MMP2: variants seen among roughly 807,000 people sequenced by gnomAD.
The protein encoded by MMP2 is matrix metallopeptidase 2.
In MMP2, 39 loss-of-function variants were observed where a neutral mutation model predicts 74.8. The ratio of observed to expected loss-of-function variants is 0.52; its 90% confidence interval spans 0.40 to 0.68. The LOEUF (loss-of-function observed/expected upper bound fraction) is 0.68, where lower values mean the gene tolerates loss of function less well. MMP2 is among the 30% of genes least tolerant of loss of function. The pLI, the probability that MMP2 is intolerant of heterozygous loss-of-function variation, is 0.00. For missense variants in MMP2, 803 were observed against 878.3 expected, an observed-to-expected ratio of 0.91 and a Z score of 1.08; for synonymous variants, 367 against 339.8, an observed-to-expected ratio of 1.08 and a Z score of -0.88.
In MMP2 at chr16:55,505,611, C is replaced by T. The variant is rs1045236326; in HGVS notation, c.*169C>T. The T allele has an allele frequency of 1.5e-5, 10 of 666,722 alleles. No individual in the cohort carries two copies. The highest frequency in any genetic ancestry group is 4.5e-5 in the Admixed American group (2 of 44,064). 41.3% of individuals were successfully genotyped at this position (666,722 alleles called of 1,614,324 possible). Reference sequence around the variant, plus strand: ...TAAGATTCCAGAGAGTGGCTCCTCCCGGTGCCCAAGAATAGATGCTGACTG... The same window carrying T: ...TAAGATTCCAGAGAGTGGCTCCTCCTGGTGCCCAAGAATAGATGCTGACTG... On this transcript the variant is annotated 3_prime_UTR_variant, in exon 13 of 13. Coordinates refer to ENST00000219070, the MANE Select transcript of MMP2 (RefSeq NM_004530.6).
At chr16:55,494,088 T>C (rs1279484733) in intron 9 of MMP2, among the ~76,000 whole-genome samples, 1 of 152,132 alleles carries the variant, frequency 6.6e-6, no homozygotes, top group African/African-American at 2.4e-5. Context: ...CCATCATCCA[T>C]CCAGCCAGCC....
intron 1 of MMP2, among the ~76,000 whole-genome samples, chr16:55,481,103 A>G (rs1328647640): frequency 1.3e-5 from 2 of 152,168 alleles, no homozygotes; most frequent in African/African-American, 4.8e-5. Flanking sequence ...AAACAAATTT[A>G]TTAAGAAGGT....
At chr16:55,494,457 A>C (rs1962486679) in intron 9 of MMP2, among the ~76,000 whole-genome samples, 1 of 152,206 alleles carries the variant, frequency 6.6e-6, no homozygotes, top group South Asian at 2.1e-4. Context: ...ACTGTGCCAA[A>C]TACTTTGCTA....
At chr16:55,503,921 G>C (rs1363115335) in intron 12 of MMP2, among the ~76,000 whole-genome samples, 1 of 152,236 alleles carries the variant, frequency 6.6e-6, no homozygotes, top group Non-Finnish European at 1.5e-5. Context: ...GGGAGGCCAA[G>C]GCAGGAGAAC....
chr16:55,493,330 C>T, intron 9 of MMP2, 37 bp downstream of exon 9: 1 of 1,613,586 alleles, frequency 6.2e-7, no homozygotes, highest in African/African-American at 1.3e-5. Context: ...CTCCTTGTCT[C>T]CTGTCCTCTG....
intron 11 of MMP2, among the ~76,000 whole-genome samples, chr16:55,499,257 A>G (rs1962607145): frequency 6.6e-6 from 1 of 152,104 alleles, no homozygotes; most frequent in East Asian, 1.9e-4. Context: ...GAACCCTGGC[A>G]TTCTGTCTCC....
In MMP2 at chr16:55,498,584, CT is replaced by C. The variant is rs1432058669; in HGVS notation, c.1769+139del. The C allele has an allele frequency of 7.5e-5, 84 of 1,116,402 alleles. No homozygotes were observed. In the East Asian group the frequency reaches 2.0e-3, roughly 26 times the overall value. The allele number at this position is 1,116,402 out of a possible 1,614,324, so 69.2% of individuals were successfully genotyped here. A position where few individuals can be genotyped will look rare whatever the true frequency, so the allele number is the denominator to read the frequency against. ...ATGCCCTCTCTCTGGTATCTAACCT[CT>C]TTGGTCTCTGGCACCTCTGAGATGT... On this transcript the variant is annotated intron_variant, in intron 11 of 12. Transcript: ENST00000219070.
upstream of MMP2, chr16:55,479,167 C>G (rs897550290): frequency 1.9e-5 from 4 of 206,282 alleles, no homozygotes; most frequent in African/African-American, 9.3e-5. Flanking sequence ...GCCCAGCCGG[C>G]TACATCTGGC....
At chr16:55,491,652 AG>A in intron 7 of MMP2, 148 bp from the exon 8 acceptor site, 1 of 928,986 alleles carries the variant, frequency 1.1e-6, no homozygotes. Context: ...TCTCAGGAAA[AG>A]AAAAAAAAAA....
Position 55,502,867 on chromosome 16 carries a change from G to A in MMP2, c.1858G>A (p.Val620Ile), listed in dbSNP as rs41459945. 730 of 1,613,828 alleles carry A rather than the reference G, an allele frequency of 4.5e-4. 1 individual carries two copies. Among genetic ancestry groups the A allele is most frequent in the African/African-American group, 3.5e-3 (264 of 75,058 alleles). The change falls in exon 12 of 13, where the codon GTC becomes ATC. Residue 620 changes from valine (V) to isoleucine (I), a missense_variant. Val to Ile is a conservative substitution (Grantham distance 29). Coordinates refer to ENST00000219070, the MANE Select transcript of MMP2 (RefSeq NM_004530.6). ...TGCCATCCCCGATAACCTGGATGCC[G>A]TCGTGGACCTGCAGGGCGGCGGTGA... ...WNAIPDNLDA[V>I]VDLQGGGHSY...
intron 1 of MMP2, chr16:55,479,905 T>A: frequency 2.5e-6 from 1 of 403,206 alleles, no homozygotes; most frequent in East Asian, 5.3e-5. Context: ...GGGAGAGGGG[T>A]GACCTGGCAA....
chr16:55,498,296 A>G lies in MMP2; in HGVS notation c.1617A>G (p.Glu539=). 6.2e-7 allele frequency: 1 copy of G among 1,614,156 alleles called. No homozygotes were observed. Among genetic ancestry groups the G allele is most frequent in the Non-Finnish European group, 8.5e-7 (1 of 1,180,032 alleles). Residue 539 remains glutamate (E), a synonymous_variant, in exon 11 of 13, where the codon GAA becomes GAG. Coordinates refer to ENST00000219070, the MANE Select transcript of MMP2 (RefSeq NM_004530.6). ...CCTTTGCTTCCACCCCAGGGAATGA[A>G]TACTGGATCTACTCAGCCAGCACCC... ...EEKAVFFAGN[E]YWIYSASTLE... is the part of the protein sequence containing the mutation.
chr16:55,498,323 G>A lies in MMP2; in HGVS notation c.1644G>A (p.Leu548=). The change falls in exon 11 of 13, where the codon CTG becomes CTA. Residue 548 remains leucine (L), a synonymous_variant. Transcript: ENST00000219070. ...ACTGGATCTACTCAGCCAGCACCCT[G>A]GAGCGAGGGTACCCCAAGCCACTGA... ...NEYWIYSAST[L]ERGYPKPLTS... The A allele has an allele frequency of 6.2e-7, 1 of 1,614,246 alleles. No homozygotes were observed. The highest frequency in any genetic ancestry group is 8.5e-7 in the Non-Finnish European group (1 of 1,180,052).
chr16:55,496,361 AATAG>A (rs1329193344), intron 9 of MMP2, among the ~76,000 whole-genome samples: 3 of 152,124 alleles, frequency 2.0e-5, no homozygotes, highest in Non-Finnish European at 4.4e-5. Context: ...ATGGTGGGGA[AATAG>A]ATAATTAATG....
In MMP2 at chr16:55,505,543, C is replaced by A; in HGVS notation, c.*101C>A. The A allele has an allele frequency of 1.1e-6, 1 of 913,134 alleles. No individual in the cohort carries two copies. The highest frequency in any genetic ancestry group is 1.8e-6 in the Non-Finnish European group (1 of 549,084). 56.6% of individuals were successfully genotyped at this position (913,134 alleles called of 1,614,324 possible). ...CGGAGGGGCCTGGCAGCCGTGCCTT[C>A]AGCTCTACAGCTAATCAGCATTCTC... is the stretch of plus-strand genomic sequence containing the variant. On this transcript the variant is annotated 3_prime_UTR_variant, in exon 13 of 13. Coordinates refer to ENST00000219070, the MANE Select transcript of MMP2 (RefSeq NM_004530.6).
intron 11 of MMP2, among the ~76,000 whole-genome samples, chr16:55,502,301 T>A (rs1366161194): frequency 2.0e-5 from 3 of 152,192 alleles, no homozygotes; most frequent in Non-Finnish European, 4.4e-5. Context: ...TTAGCACTCC[T>A]CGGATTACAG....
intron 5 of MMP2, 144 bp from the exon 6 acceptor site, chr16:55,488,399 C>A (rs1962310348): frequency 1.2e-6 from 1 of 846,458 alleles, no homozygotes; most frequent in South Asian, 1.6e-5. Context: ...GAAGCAGCTC[C>A]TTACCAACCA....
chr16:55,496,651 G>A (rs1296378627), intron 9 of MMP2, among the ~76,000 whole-genome samples: 2 of 152,172 alleles, frequency 1.3e-5, no homozygotes, highest in African/African-American at 2.4e-5. Flanking sequence ...GGCTTAGAGA[G>A]GGAAAACACA....
At chr16:55,486,164 C>G (rs1338677842) in intron 5 of MMP2, among the ~76,000 whole-genome samples, 1 of 152,132 alleles carries the variant, frequency 6.6e-6, no homozygotes, top group Non-Finnish European at 1.5e-5. Flanking sequence ...ATTGATACTT[C>G]AAGGGCATGA....
Sources: gnomAD v4.1 joint callset for allele counts (sites outside exome capture counted in the v4.1 genomes callset) on GRCh38, gnomAD v4.1.1 for gene constraint, MANE v1.5 for transcripts, NCBI Gene and HGNC (gene_info 2026-07-23, HGNC 2026-07-21) for gene names.